Variants in GPN3 observed in about 807,000 individuals in gnomAD.
GPN3 encodes the protein ATP-binding domain 1 family member C.
GPN3 carries 31 observed loss-of-function variants against 38.7 expected under a neutral mutation model. The observed-to-expected ratio is 0.80, with a 90% CI of 0.60 to 1.08. The LOEUF (loss-of-function observed/expected upper bound fraction) is 1.08. Ranked by LOEUF, GPN3 falls within the 50% of genes least tolerant of loss-of-function variation. GPN3 has a pLI of 0.00. For synonymous variants in GPN3, 116 were observed against 120.2 expected (o/e 0.96, Z 0.23); for missense variants, 301 against 354.4 (o/e 0.85, Z 1.21).
At chr12:110,464,094 C>T (rs891450236) in intron 2 of GPN3, among the ~76,000 whole-genome samples, 3 of 151,950 alleles carry the variant, frequency 2.0e-5, no homozygotes, top group Non-Finnish European at 4.4e-5. Context: ...ATCAGCCTCC[C>T]AAGTAGCTGG....
At chr12:110,457,986 C>G (rs967335893) in intron 3 of GPN3, among the ~76,000 whole-genome samples, 2 of 151,818 alleles carry the variant, frequency 1.3e-5, no homozygotes, top group Non-Finnish European at 2.9e-5. Flanking sequence ...AAAAATTAGC[C>G]AGGCGTGGTG....
Position 110,453,744 on chromosome 12 carries a change from TTTGGTTCTTTAAATTCTA to T in GPN3, c.773_790del (p.Leu258_Lys264delinsGln). On this transcript the variant is annotated inframe_deletion and splice_region_variant, in exon 7 of 8. Transcript: ENST00000228827. ...CAAACACCCCAAACCAGAAATTACC[TTTGGTTCTTTAAATTCTA>T]GGTCTTCTCCATATTGAATGGCAAA... 6.2e-7 allele frequency: 1 copy of T among 1,607,380 alleles called. No homozygotes were observed. Among genetic ancestry groups the T allele is most frequent in the South Asian group, 1.1e-5 (1 of 90,814 alleles).
intron 1 of GPN3, among the ~76,000 whole-genome samples, chr12:110,467,340 T>A (rs1431732433): frequency 6.6e-6 from 1 of 152,214 alleles, no homozygotes; most frequent in African/African-American, 2.4e-5. Context: ...ATTCTCACTG[T>A]ATTTGAATGT....
intron 1 of GPN3, among the ~76,000 whole-genome samples, chr12:110,466,573 A>AAGCGATT (rs2062629192): frequency 6.6e-6 from 1 of 151,544 alleles, no homozygotes; most frequent in South Asian, 2.1e-4. Flanking sequence ...ATCATAGCTC[A>AAGCGATT]CTGCAGCTTT....
At chr12:110,463,373 C>T (rs1011458916) in intron 2 of GPN3, among the ~76,000 whole-genome samples, 4 of 151,028 alleles carry the variant, frequency 2.6e-5, no homozygotes, top group African/African-American at 9.8e-5. Context: ...TTGCTTGAGT[C>T]CAGGAGGTTG....
chr12:110,468,431 G>T (rs1008718525), upstream of GPN3: 3 of 1,534,838 alleles, frequency 2.0e-6, no homozygotes, highest in Admixed American at 5.9e-5. Context: ...AAAAGTAGTT[G>T]ATGGAAATCG....
intron 6 of GPN3, 67 bp downstream of exon 6, chr12:110,455,519 C>A: frequency 2.8e-6 from 2 of 725,250 alleles, no homozygotes; most frequent in Non-Finnish European, 4.9e-6. Context: ...CTTGGCCTGC[C>A]AAAGTGCTAG....
At chr12:110,462,762 T>C (rs915605969) in intron 2 of GPN3, among the ~76,000 whole-genome samples, 13 of 144,836 alleles carry the variant, frequency 9.0e-5, no homozygotes, top group African/African-American at 3.2e-4. Flanking sequence ...TAATTTTGTA[T>C]TTTTTTTTTT....
intron 7 of GPN3, 48 bp from the exon 8 acceptor site, chr12:110,453,144 G>A (rs370414908): frequency 8.4e-5 from 73 of 872,702 alleles, no homozygotes; most frequent in Non-Finnish European, 1.2e-4. Context: ...TTTCCCCTCA[G>A]TCAGAACTAG....
In GPN3 at chr12:110,458,049, G is replaced by A. The variant is rs1225170239; in HGVS notation, c.326-415C>T. Among the ~76,000 whole-genome samples the A allele has an allele frequency of 2.0e-5, 3 of 152,104 alleles. No individual in the cohort carries two copies. Among genetic ancestry groups the A allele is most frequent in the Non-Finnish European group, 4.4e-5 (3 of 68,034 alleles). On this transcript the variant is annotated intron_variant, in intron 3 of 7. Transcript: ENST00000228827. The surrounding 1 kb of genome is among the most constrained non-coding windows in gnomAD (Gnocchi z 4.4). ...AAGAATTGCTTAAACCCGGGAGGAG[G>A]AGGCTGCAGTGAGCCAAGATCACGC...
intron 1 of GPN3, among the ~76,000 whole-genome samples, chr12:110,467,051 C>T (rs1318276819): frequency 6.6e-6 from 1 of 151,900 alleles, no homozygotes; most frequent in East Asian, 1.9e-4. Context: ...TGCAGTGGCA[C>T]GATCACCACT....
rs368568118 is a variant in GPN3 at position 110,453,849 on chromosome 12, C to T, written c.686G>A (p.Arg229Gln). 13 of 1,608,054 alleles carry T rather than the reference C, an allele frequency of 8.1e-6. No homozygotes were observed. The highest frequency in any genetic ancestry group is 4.0e-5 in the African/African-American group (3 of 74,882). The change falls in exon 7 of 8, where the codon CGA becomes CAA. Residue 229 changes from arginine (R) to glutamine (Q), a missense_variant. Coordinates refer to ENST00000228827, the MANE Select transcript of GPN3 (RefSeq NM_016301.4). ...CGLIDDYSMVRFLPYDQSDEE... is the reference protein window; with the variant it reads ...CGLIDDYSMVQFLPYDQSDEE... ...ATCTGACTGATCGTAAGGTAAAAATCGAACCATGCTGTAGTCATCAATCTA... is the reference window on the plus strand; with the variant it reads ...ATCTGACTGATCGTAAGGTAAAAATTGAACCATGCTGTAGTCATCAATCTA...
At chr12:110,453,510 C>G (rs2062528613) in intron 7 of GPN3, among the ~76,000 whole-genome samples, 1 of 152,170 alleles carries the variant, frequency 6.6e-6, no homozygotes, top group African/African-American at 2.4e-5. Context: ...CACATACACC[C>G]AAGCTCTAAG....
chr12:110,464,653 C>A (rs539183485), intron 2 of GPN3: 1 of 149,240 alleles, frequency 6.7e-6, no homozygotes, highest in Non-Finnish European at 1.4e-5. Context: ...AGTGCAGTGG[C>A]GCAATCTCGG....
At position 110,465,234 on chromosome 12, in the gene GPN3, G is replaced by C. The variant is rs1462090931; in HGVS notation, c.49-20C>G. ...GGTGCTCTGTAATGTCACAAGGCAT[G>C]AGAGGTTAAAGCAACAGGTAGTGTA... is the stretch of plus-strand genomic sequence containing the variant. On this transcript the variant is annotated intron_variant, in intron 1 of 7. Transcript: ENST00000228827. 4 of 1,395,758 alleles carry C rather than the reference G, an allele frequency of 2.9e-6. No individual in the cohort carries two copies. In the African/African-American group the frequency reaches 5.6e-5, roughly 20 times the overall value. 86.5% of individuals were successfully genotyped at this position (1,395,758 alleles called of 1,614,324 possible). A position where few individuals can be genotyped will look rare whatever the true frequency, so the allele number is the denominator to read the frequency against.
intron 2 of GPN3, among the ~76,000 whole-genome samples, chr12:110,463,268 C>T (rs933509296): frequency 3.3e-5 from 5 of 151,578 alleles, no homozygotes; most frequent in Non-Finnish European, 5.9e-5. Context: ...CCAGCCTGGG[C>T]AACATGGAGA....
intron 1 of GPN3, 38 bp from the exon 2 acceptor site, chr12:110,465,252 G>T: frequency 9.0e-7 from 1 of 1,105,404 alleles, no homozygotes; most frequent in Non-Finnish European, 1.4e-6. Flanking sequence ...AAAGCAACAG[G>T]TAGTGTAGTG....
chr12:110,461,990 C>T (rs932894931), intron 2 of GPN3, among the ~76,000 whole-genome samples: 2 of 152,038 alleles, frequency 1.3e-5, no homozygotes, highest in East Asian at 1.9e-4. Flanking sequence ...TAAAGGCACC[C>T]GCCAGCATGC....
At chr12:110,462,753 A>G (rs2062598209) in intron 2 of GPN3, among the ~76,000 whole-genome samples, 1 of 149,442 alleles carries the variant, frequency 6.7e-6, no homozygotes, top group Admixed American at 6.6e-5. Context: ...ACACCCAGCT[A>G]ATTTTGTATT....
Sources: allele counts gnomAD v4.1 joint callset (sites outside exome capture counted in the v4.1 genomes callset), GRCh38; gene constraint gnomAD v4.1.1; non-coding constraint Gnocchi (gnomAD v3.1); transcripts MANE v1.5; gene names NCBI Gene and HGNC (gene_info 2026-07-23, HGNC 2026-07-21).